The following PTK7 variants were observed in gnomAD, a reference collection of about 807,000 sequenced individuals.
PTK7 encodes the protein inactive tyrosine-protein kinase 7.
PTK7 carries 39 observed loss-of-function variants against 116.6 expected under a neutral mutation model. That is an observed-to-expected ratio of 0.33 (90% CI 0.26 to 0.44). The LOEUF is 0.44. Ranked by LOEUF, PTK7 falls within the 20% of genes least tolerant of loss-of-function variation. The probability of loss-of-function intolerance (pLI) is 1.00; values close to 1 mark genes in which losing one functional copy is unlikely to be tolerated. For missense variants in PTK7, 1,169 were observed against 1,425.6 expected (o/e 0.82, Z 2.90); for synonymous variants, 546 against 563.6 (o/e 0.97, Z 0.44).
In PTK7 at chr6:43,143,677, G is replaced by A. The variant is rs1188428415; in HGVS notation, c.2251+57G>A. The stretch of plus-strand genomic sequence containing the variant: ...GTGTGCGGGAGCTGAGCGCCCTCCC[G>A]CGGCCACGGAGGGGAGAGCGCCAGC... On this transcript the variant is annotated intron_variant, in intron 14 of 19. Transcript: ENST00000230419. This position sits in a 1 kb window ranked among gnomAD's most constrained non-coding sequence, Gnocchi z 4.2. 6.4e-6 allele frequency: 10 copies of A among 1,555,382 alleles called. No individual in the cohort carries two copies. The highest frequency in any genetic ancestry group is 3.4e-5 in the South Asian group (3 of 87,328).
At chr6:43,111,329 G>C (rs1285739138) in intron 1 of PTK7, among the ~76,000 whole-genome samples, 3 of 152,184 alleles carry the variant, frequency 2.0e-5, no homozygotes, top group African/African-American at 7.2e-5. Context: ...AGGCAGCTGA[G>C]GGACAGAGCT....
At chr6:43,092,684 A>G (rs1332653227) in intron 1 of PTK7, among the ~76,000 whole-genome samples, 2 of 152,150 alleles carry the variant, frequency 1.3e-5, no homozygotes, top group East Asian at 1.9e-4. Context: ...AATTCAGTAT[A>G]TGTGAAGGAC....
rs1288032797 is a variant in PTK7, at chr6:43,152,099, G to A, written c.2721+5401G>A. On this transcript the variant is annotated intron_variant, in intron 17 of 19. Transcript: ENST00000230419. The stretch of plus-strand genomic sequence containing the variant: ...CCTGACCTTGTGATCCACCCGCCTC[G>A]GCCTCCCAAAGTGAGCCACCGCTCA... Among the ~76,000 whole-genome samples the A allele has an allele frequency of 2.7e-5, 4 of 150,762 alleles. No homozygotes were observed. In the East Asian group the frequency reaches 7.8e-4, roughly 30 times the overall value.
chr6:43,114,460 C>T (rs768759244), intron 1 of PTK7, among the ~76,000 whole-genome samples: 5 of 151,994 alleles, frequency 3.3e-5, no homozygotes, highest in Non-Finnish European at 7.4e-5. Flanking sequence ...CTGTCTCTCT[C>T]CTGTCTGTCT....
At chr6:43,155,642 C>T (rs762544896) in intron 17 of PTK7, among the ~76,000 whole-genome samples, 2 of 136,730 alleles carry the variant, frequency 1.5e-5, no homozygotes, top group African/African-American at 3.0e-5. Flanking sequence ...AACAAGACTC[C>T]ATCAAAAAAA....
In PTK7 at chr6:43,076,525, C is replaced by T; in HGVS notation, c.37C>T (p.Arg13Trp). 5 of 1,577,140 alleles carry T rather than the reference C, an allele frequency of 3.2e-6. No individual in the cohort carries two copies. Among genetic ancestry groups the T allele is most frequent in the Non-Finnish European group, 4.3e-6 (5 of 1,165,668 alleles). Residue 13 changes from arginine to tryptophan, a missense_variant, in exon 1 of 20, where the codon CGG (arginine) becomes TGG (tryptophan). By Grantham distance (101) the Arg-to-Trp change is moderately radical. Around this residue, in one of 3 missense-constraint regions of PTK7, gnomAD observed 487 missense variants for 549.8 expected, o/e 0.89. Transcript: ENST00000230419. The surrounding 1 kb of genome is among the most constrained non-coding windows in gnomAD (Gnocchi z 5.7). The part of the protein sequence containing the change: ...AARGSPARPR[R>W]LPLLSVLLLP... ...GCGGGGATCCCCGGCCAGACCCCGC[C>T]GGTTGCCTCTGCTCAGCGTCCTGCT... is the stretch of plus-strand genomic sequence containing the variant.
rs182838057 is a variant in PTK7 at position 43,081,024 on chromosome 6, A to G, written c.79+4457A>G. Among the ~76,000 whole-genome samples the G allele has an allele frequency of 4.2e-3, 640 of 151,916 alleles. 1 individual carries two copies. Among genetic ancestry groups the G allele is most frequent in the Middle Eastern group, 6.9e-3 (2 of 288 alleles). On this transcript the variant is annotated intron_variant, in intron 1 of 19. Coordinates refer to ENST00000230419, the MANE Select transcript of PTK7 (RefSeq NM_002821.5). Reference sequence around the variant, plus strand: ...TGTGGTGTGCTTCAAAGATTCCTTCAGCTTTACAGTCATTCCCAACAATAG... The same window carrying G: ...TGTGGTGTGCTTCAAAGATTCCTTCGGCTTTACAGTCATTCCCAACAATAG...
chr6:43,125,422 G>A (rs938360965), intron 1 of PTK7, among the ~76,000 whole-genome samples: 1 of 152,178 alleles, frequency 6.6e-6, no homozygotes, highest in Admixed American at 6.5e-5. Context: ...GGGGGTGGCC[G>A]AGGCTGAGCT....
intron 1 of PTK7, among the ~76,000 whole-genome samples, chr6:43,093,538 C>T (rs1767072747): frequency 1.3e-5 from 2 of 152,012 alleles, no homozygotes; most frequent in Admixed American, 1.3e-4. Flanking sequence ...AGACCTGGGT[C>T]AGGCAGGCAG....
intron 1 of PTK7, among the ~76,000 whole-genome samples, chr6:43,126,598 T>C (rs975669272): frequency 6.6e-6 from 1 of 152,178 alleles, no homozygotes; most frequent in Non-Finnish European, 1.5e-5. Context: ...CTTCCAGGGT[T>C]GTTTCTGAGT....
Position 43,142,218 on chromosome 6 carries a change from C to T in PTK7, c.1966C>T (p.Pro656Ser). 2 of 1,614,128 alleles carry T rather than the reference C, an allele frequency of 1.2e-6. No individual in the cohort carries two copies. Among genetic ancestry groups the T allele is most frequent in the African/African-American group, 1.3e-5 (1 of 75,024 alleles). Reference sequence around the variant, plus strand: ...CTCCCTGGTGATCCATGACGTGGCCCCTGAGGACTCAGGCCGCTACACCTG... The same window carrying T: ...CTCCCTGGTGATCCATGACGTGGCCTCTGAGGACTCAGGCCGCTACACCTG... ...NGSLVIHDVA[P>S]EDSGRYTCIA... Residue 656 changes from proline (P) to serine (S), a missense_variant, in exon 13 of 20, where the codon CCT becomes TCT. Transcript: ENST00000230419.
At chr6:43,111,258 G>A (rs1768180564) in intron 1 of PTK7, among the ~76,000 whole-genome samples, 2 of 152,168 alleles carry the variant, frequency 1.3e-5, no homozygotes, top group South Asian at 4.1e-4. Flanking sequence ...ACCAGCACAG[G>A]GTGGCACCTC....
At chr6:43,093,233 A>G (rs1447780169) in intron 1 of PTK7, among the ~76,000 whole-genome samples, 3 of 117,352 alleles carry the variant, frequency 2.6e-5, no homozygotes, top group Admixed American at 2.4e-4. Flanking sequence ...CTTGTTGCCC[A>G]GGCTGGAGTG....
In PTK7 at chr6:43,076,907, G is replaced by GA; in HGVS notation, c.79+344dup. ...AGATGGGGAGTTTCTTGTCGGGGGA[G>GA]AAAAGACCATCCGCACCCACCGTGG... is the stretch of plus-strand genomic sequence containing the variant. On this transcript the variant is annotated intron_variant, in intron 1 of 19. Coordinates refer to ENST00000230419, the MANE Select transcript of PTK7 (RefSeq NM_002821.5). This position sits in a 1 kb window ranked among gnomAD's most constrained non-coding sequence, Gnocchi z 5.7. The GA allele has an allele frequency of 6.6e-7, 1 of 1,513,486 alleles. No homozygotes were observed. The highest frequency in any genetic ancestry group is 8.8e-7 in the Non-Finnish European group (1 of 1,131,354). 93.8% of individuals were successfully genotyped at this position (1,513,486 alleles called of 1,614,324 possible).
rs375898751 is a variant in PTK7, at chr6:43,132,018, C to T, written c.815C>T (p.Pro272Leu). Residue 272 changes from proline (P) to leucine (L), a missense_variant and splice_region_variant, in exon 6 of 20, where the codon CCC becomes CTC. Transcript: ENST00000230419. ...AAATTGCACTCTCCCCTCTGCAGCCCCCCACACCTCCGCAGAGCCACAGTG... is the reference window on the plus strand; with the variant it reads ...AAATTGCACTCTCCCCTCTGCAGCCTCCCACACCTCCGCAGAGCCACAGTG... ...DETPITNRSR[P>L]PHLRRATVFA... is the part of the protein sequence containing the mutation. The T allele has an allele frequency of 2.5e-5, 41 of 1,614,014 alleles. No homozygotes were observed. The highest frequency in any genetic ancestry group is 1.7e-4 in the Middle Eastern group (1 of 6,006).
chr6:43,160,077 G>T, intron 19 of PTK7, 111 bp downstream of exon 19: 1 of 1,155,702 alleles, frequency 8.7e-7, no homozygotes, highest in East Asian at 2.4e-5. Flanking sequence ...TACTGAGCAG[G>T]CACACAGATA....
intron 1 of PTK7, among the ~76,000 whole-genome samples, chr6:43,103,583 C>T (rs1767700847): frequency 6.6e-6 from 1 of 152,124 alleles, no homozygotes; most frequent in South Asian, 2.1e-4. Flanking sequence ...AGACATCCCC[C>T]CACCTTGGGG....
chr6:43,141,756 T>C lies in PTK7; in HGVS notation c.1707T>C (p.Thr569=). 1.2e-6 allele frequency: 2 copies of C among 1,614,072 alleles called. No individual in the cohort carries two copies. The highest frequency in any genetic ancestry group is 3.3e-5 in the Admixed American group (2 of 60,014). ...CTCGAGATGACGCTGGCAACTACAC[T>C]TGCATTGCCTCCAACGGGCCGCAGG... ...RVTRDDAGNY[T]CIASNGPQGQ... Residue 569 remains threonine, a synonymous_variant, in exon 11 of 20, where the codon ACT becomes ACC. Coordinates refer to ENST00000230419, the MANE Select transcript of PTK7 (RefSeq NM_002821.5). The surrounding 1 kb of genome is among the most constrained non-coding windows in gnomAD (Gnocchi z 4.9).
At position 43,139,708 on chromosome 6, in the gene PTK7, C is replaced by A. The variant is rs912418305; in HGVS notation, c.1618+183C>A. Among the ~76,000 whole-genome samples the A allele has an allele frequency of 6.6e-6, 1 of 152,224 alleles. No individual in the cohort carries two copies. Among genetic ancestry groups the A allele is most frequent in the African/African-American group, 2.4e-5 (1 of 41,444 alleles). ...AGACACAGAAGAGGTCAGATTATAG[C>A]CTTGGACAACATGGAAGACAACTCA... is the stretch of plus-strand genomic sequence containing the variant. On this transcript the variant is annotated intron_variant, in intron 10 of 19. Coordinates refer to ENST00000230419, the MANE Select transcript of PTK7 (RefSeq NM_002821.5). The surrounding 1 kb of genome is among the most constrained non-coding windows in gnomAD (Gnocchi z 4.6).
Sources: gnomAD v4.1 joint callset for allele counts (sites outside exome capture counted in the v4.1 genomes callset) on GRCh38, gnomAD v4.1.1 for gene constraint, gnomAD v4.1.1 regional missense constraint, Gnocchi (gnomAD v3.1) non-coding constraint, MANE v1.5 for transcripts, NCBI Gene and HGNC (gene_info 2026-07-23, HGNC 2026-07-21) for gene names.